TRIOBP: variants seen among roughly 807,000 people sequenced by gnomAD.
TRIOBP encodes TRIO and F-actin binding protein.
TRIOBP carries 169 observed loss-of-function variants against 238.8 expected under a neutral mutation model. The ratio of observed to expected loss-of-function variants is 0.71; its 90% CI spans 0.62 to 0.80. The LOEUF (loss-of-function observed/expected upper bound fraction) is 0.80. Ranked by LOEUF, TRIOBP falls within the 30% of genes least tolerant of loss-of-function variation. The probability of loss-of-function intolerance (pLI) is 0.00; values close to 1 mark genes in which losing one functional copy is unlikely to be tolerated. For synonymous variants in TRIOBP, 1,150 were observed against 1,274.4 expected (o/e 0.90, Z 2.08); for missense variants, 2,838 against 3,122.6 (o/e 0.91, Z 2.17).
At chr22:37,717,657 G>C (rs891332348) in intron 6 of TRIOBP, among the ~76,000 whole-genome samples, 2 of 152,228 alleles carry the variant, frequency 1.3e-5, no homozygotes, top group Non-Finnish European at 2.9e-5. Context: ...ACAGGGTGCT[G>C]ATTGGTGTGT....
Position 37,738,628 on chromosome 22 carries a change from T to A in TRIOBP, c.5107-14T>A. 1 of 1,613,598 alleles carries A rather than the reference T, an allele frequency of 6.2e-7. No individual in the cohort carries two copies. The highest frequency in any genetic ancestry group is 1.3e-5 in the African/African-American group (1 of 74,982). ...ATAAGTTGGGCTAAGCTGTGTTCTT[T>A]TTTTAATCTCCAGTTCCAACCAGAG... is the stretch of plus-strand genomic sequence containing the variant. On this transcript the variant is annotated splice_polypyrimidine_tract_variant and intron_variant, in intron 9 of 23. Coordinates refer to ENST00000644935, the MANE Select transcript of TRIOBP (RefSeq NM_001039141.3).
chr22:37,765,635 G>C (rs1046345638), intron 17 of TRIOBP, 35 bp from the exon 18 acceptor site: 29 of 1,548,316 alleles, frequency 1.9e-5, no homozygotes, highest in Non-Finnish European at 2.4e-5. Context: ...CAGAGGAACG[G>C]GGCAGCCTGT....
At chr22:37,768,524 A>G (rs1926610361) in intron 19 of TRIOBP, among the ~76,000 whole-genome samples, 1 of 152,226 alleles carries the variant, frequency 6.6e-6, no homozygotes, top group South Asian at 2.1e-4. Context: ...TTTAACTTTA[A>G]AGATGGGCCC....
chr22:37,702,950 TTTC>T (rs1157934110), intron 3 of TRIOBP, among the ~76,000 whole-genome samples: 2 of 152,142 alleles, frequency 1.3e-5, no homozygotes, highest in South Asian at 4.1e-4. Flanking sequence ...GTCTCAAGAT[TTTC>T]TTCTTCAAGT....
At chr22:37,730,542 C>T (rs1389378047) in intron 7 of TRIOBP, among the ~76,000 whole-genome samples, 6 of 152,134 alleles carry the variant, frequency 3.9e-5, no homozygotes, top group Admixed American at 3.9e-4. Flanking sequence ...CACTGGGTCA[C>T]GTCTGGGCTC....
intron 12 of TRIOBP, 37 bp downstream of exon 12, chr22:37,751,865 T>C (rs1461202671): frequency 1.8e-5 from 27 of 1,515,100 alleles, no homozygotes; most frequent in Non-Finnish European, 2.4e-5. Flanking sequence ...GAAGCTGGCT[T>C]GTGCTGCTGC....
At position 37,738,732 on chromosome 22, in the gene TRIOBP, T is replaced by G; in HGVS notation, c.5184+13T>G. 1 of 1,613,470 alleles carries G rather than the reference T, an allele frequency of 6.2e-7. No homozygotes were observed. Among genetic ancestry groups the G allele is most frequent in the Non-Finnish European group, 8.5e-7 (1 of 1,179,704 alleles). On this transcript the variant is annotated intron_variant, in intron 10 of 23. Coordinates refer to ENST00000644935, the MANE Select transcript of TRIOBP (RefSeq NM_001039141.3). ...GCAGGCAGACTCGGTAGCTGGGTCA[T>G]GGGTGTGGGTACATACGGTGGGGAA...
chr22:37,761,532 A>C (rs990152580), intron 17 of TRIOBP, among the ~76,000 whole-genome samples: 3 of 152,202 alleles, frequency 2.0e-5, no homozygotes, highest in Non-Finnish European at 4.4e-5. Flanking sequence ...CAGTGACATC[A>C]GGAAAGTGAT....
chr22:37,752,145 G>A (rs572761031), intron 12 of TRIOBP, among the ~76,000 whole-genome samples: 2 of 152,166 alleles, frequency 1.3e-5, no homozygotes, highest in Non-Finnish European at 2.9e-5. Flanking sequence ...CGTAGAAGCT[G>A]TCTGGCCCGA....
At position 37,704,243 on chromosome 22, in the gene TRIOBP, C is replaced by T. The variant is rs925004681; in HGVS notation, c.114+2764C>T. Among the ~76,000 whole-genome samples, 4 of 152,014 alleles carry T rather than the reference C, an allele frequency of 2.6e-5. No homozygotes were observed. The South Asian group carries it at 6.2e-4, about 24-fold the overall frequency. ...CAAAAAATTTAAAAAATTAGCTGGG[C>T]GTAGTGGGATGCGGCTATAGTCTCA... is the stretch of plus-strand genomic sequence containing the variant. On this transcript the variant is annotated intron_variant, in intron 3 of 23. Coordinates refer to ENST00000644935, the MANE Select transcript of TRIOBP (RefSeq NM_001039141.3).
chr22:37,737,233 G>A (rs1247065569), intron 9 of TRIOBP, among the ~76,000 whole-genome samples: 1 of 152,160 alleles, frequency 6.6e-6, no homozygotes, highest in African/African-American at 2.4e-5. Context: ...GTGAAGCTCA[G>A]GGTTCTCAGG....
At chr22:37,745,639 T>C (rs1925183437) in intron 11 of TRIOBP, among the ~76,000 whole-genome samples, 1 of 152,222 alleles carries the variant, frequency 6.6e-6, no homozygotes, top group South Asian at 2.1e-4. Flanking sequence ...GCTTACTCGC[T>C]AGGAATTCCG....
intron 7 of TRIOBP, among the ~76,000 whole-genome samples, chr22:37,730,052 T>C (rs932331290): frequency 6.6e-6 from 1 of 151,926 alleles, no homozygotes; most frequent in Admixed American, 6.6e-5. Context: ...TTGATCTTAA[T>C]TTTTTTTTCC....
chr22:37,713,528 G>A, intron 5 of TRIOBP, 117 bp downstream of exon 5: 2 of 1,329,244 alleles, frequency 1.5e-6, no homozygotes, highest in Middle Eastern at 2.2e-4. Context: ...ATCCGACGAG[G>A]TCCTCTGGAC....
At chr22:37,758,273 C>A in intron 16 of TRIOBP, 135 bp downstream of exon 16, 1 of 1,137,524 alleles carries the variant, frequency 8.8e-7, no homozygotes. Flanking sequence ...GAGTGTGCAC[C>A]CCACACTCCT....
At chr22:37,700,045 A>G (rs1046203541) in intron 2 of TRIOBP, among the ~76,000 whole-genome samples, 29 of 148,546 alleles carry the variant, frequency 2.0e-4, no homozygotes, top group Non-Finnish European at 2.8e-4. Context: ...CGCCCAGCTA[A>G]TTTTTGTATT....
rs554856603 is a variant in TRIOBP at position 37,709,686 on chromosome 22, G to A, written c.115-741G>A. 1.3e-3 allele frequency among the ~76,000 whole-genome samples: 201 copies of A among 152,306 alleles called. 1 individual carries two copies. Among genetic ancestry groups the A allele is most frequent in the Non-Finnish European group, 1.9e-3 (132 of 68,016 alleles). On this transcript the variant is annotated intron_variant, in intron 3 of 23. Coordinates refer to ENST00000644935, the MANE Select transcript of TRIOBP (RefSeq NM_001039141.3). ...TCCAGAGGTGGGGAGGAATTGGGGG[G>A]GGCCCTGGAGGTGAGCAGCCGTTCC...
At chr22:37,773,229 G>A (rs1472515177) in intron 23 of TRIOBP, among the ~76,000 whole-genome samples, 1 of 151,414 alleles carries the variant, frequency 6.6e-6, no homozygotes, top group East Asian at 1.9e-4. Flanking sequence ...GGTTGGTTTT[G>A]GTTGCTTTGA....
At chr22:37,760,710 C>A (rs1926196136) in intron 17 of TRIOBP, among the ~76,000 whole-genome samples, 1 of 152,198 alleles carries the variant, frequency 6.6e-6, no homozygotes, top group Admixed American at 6.5e-5. Flanking sequence ...CGCAGTGGCT[C>A]ACGCCTGTAA....
Sources: gnomAD v4.1 joint callset for allele counts (sites outside exome capture counted in the v4.1 genomes callset) on GRCh38, gnomAD v4.1.1 for gene constraint, MANE v1.5 for transcripts, NCBI Gene and HGNC (gene_info 2026-07-23, HGNC 2026-07-21) for gene names.